PHF3: variants seen among roughly 807,000 people sequenced by gnomAD.
The protein encoded by PHF3 is PHD finger protein 3.
A neutral mutation model predicts 178.4 loss-of-function variants in PHF3; 41 were observed. The ratio of observed to expected loss-of-function variants is 0.23; its 90% CI spans 0.18 to 0.30. PHF3 has a LOEUF of 0.30. Among genes scored for constraint, PHF3 ranks in the 10% least tolerant of loss-of-function variants. PHF3 has a pLI of 1.00. For synonymous variants in PHF3, 842 were observed against 800.5 expected (o/e 1.05, Z -0.88); for missense variants, 2,346 against 2,398.1 (o/e 0.98, Z 0.45).
chr6:63,691,740 T>C lies in PHF3; in HGVS notation c.2193T>C (p.Phe731=). The C allele has an allele frequency of 1.3e-6, 2 of 1,590,098 alleles. No individual in the cohort carries two copies. The highest frequency in any genetic ancestry group is 8.6e-7 in the Non-Finnish European group (1 of 1,166,012). Residue 731 remains phenylalanine (F), a synonymous_variant, in exon 5 of 16, where the codon TTT becomes TTC. Transcript: ENST00000262043. ...GFCKKPHGNR[F]MVGCGRCDDW... ...TTTTTGGTGTTCTGTTTTCCAGGTTTATGGTTGGCTGTGGGAGATGTGATG... is the reference window on the plus strand; with the variant it reads ...TTTTTGGTGTTCTGTTTTCCAGGTTCATGGTTGGCTGTGGGAGATGTGATG...
At chr6:63,696,701 G>C (rs1254855555) in intron 6 of PHF3, among the ~76,000 whole-genome samples, 1 of 152,210 alleles carries the variant, frequency 6.6e-6, no homozygotes, top group Non-Finnish European at 1.5e-5. Flanking sequence ...GAGGAGAACT[G>C]AGACTGGTGG....
chr6:63,685,352 CCAGT>C lies in PHF3; in HGVS notation c.1633_1636del (p.Val545LysfsTer23). 1 of 1,613,898 alleles carries C rather than the reference CCAGT, an allele frequency of 6.2e-7. No homozygotes were observed. On this transcript the variant is annotated frameshift_variant, in exon 4 of 16. Coordinates refer to ENST00000262043, the MANE Select transcript of PHF3 (RefSeq NM_001370348.2). LOFTEE classifies it high-confidence loss of function. ...AGAATCTCAGCAAAATTTTCATAGG[CCAGT>C]CAAAGTCAGAAAAAAACAAATTGAT...
rs769293418 is a variant in PHF3, at chr6:63,698,204, C to T, written c.2681-19C>T. On this transcript the variant is annotated intron_variant, in intron 6 of 15. Transcript: ENST00000262043. ...TTTTTAAAAGCAATGTAATGAGTTT[C>T]GATATTTATTCAAATTAGGTACTCA... 1.5e-4 allele frequency: 230 copies of T among 1,578,046 alleles called. No homozygotes were observed. Among genetic ancestry groups the T allele is most frequent in the Non-Finnish European group, 1.8e-4 (211 of 1,155,836 alleles).
chr6:63,688,388 A>C lies in PHF3; in HGVS notation c.2189+2477A>C, dbSNP rs1766843990. On this transcript the variant is annotated intron_variant, in intron 4 of 15. Transcript: ENST00000262043. Reference sequence around the variant, plus strand: ...GTCTCACTGTTGCCCAGGGGTGGAGAGCAGTGGTGTGATCTTGGCTGACTG... The same window carrying C: ...GTCTCACTGTTGCCCAGGGGTGGAGCGCAGTGGTGTGATCTTGGCTGACTG... Among the ~76,000 whole-genome samples, 3 of 119,952 alleles carry C rather than the reference A, an allele frequency of 2.5e-5. No homozygotes were observed. The South Asian group carries it at 9.1e-4, about 36-fold the overall frequency. The allele number at this position is 119,952 out of a possible 152,430, so 78.7% of individuals were successfully genotyped here. A position where few individuals can be genotyped will look rare whatever the true frequency, so the allele number is the denominator to read the frequency against.
At position 63,664,314 on chromosome 6, in the gene PHF3, C is replaced by T. The variant is rs111361947; in HGVS notation, c.245-15686C>T. 7.0e-3 allele frequency among the ~76,000 whole-genome samples: 1,065 copies of T among 152,226 alleles called. 15 individuals are homozygous for T. The highest frequency in any genetic ancestry group is 0.024 in the South Asian group (114 of 4,828). ...TGGAACTTGGGAATCAGATAAAGTC[C>T]AGTTCTCTGTTCATAGAGCATGATC... is the stretch of plus-strand genomic sequence containing the variant. On this transcript the variant is annotated intron_variant, in intron 2 of 15. Coordinates refer to ENST00000262043, the MANE Select transcript of PHF3 (RefSeq NM_001370348.2).
chr6:63,662,464 C>T (rs1219460801), intron 2 of PHF3, among the ~76,000 whole-genome samples: 1 of 152,146 alleles, frequency 6.6e-6, no homozygotes, highest in Non-Finnish European at 1.5e-5. Flanking sequence ...GACAGGATTG[C>T]AGAATCCCTT....
At position 63,709,143 on chromosome 6, in the gene PHF3, A is replaced by G; in HGVS notation, c.3712-8A>G. The G allele has an allele frequency of 7.0e-7, 1 of 1,422,876 alleles. No individual in the cohort carries two copies. The highest frequency in any genetic ancestry group is 1.3e-5 in the South Asian group (1 of 76,206). 88.1% of individuals were successfully genotyped at this position (1,422,876 alleles called of 1,614,324 possible). A position where few individuals can be genotyped will look rare whatever the true frequency, so the allele number is the denominator to read the frequency against. ...ATATTGATCTCTTTTTTTTTTTTTT[A>G]ACCATAGGACCTACCAGATAGTATT... On this transcript the variant is annotated splice_region_variant and splice_polypyrimidine_tract_variant and intron_variant, in intron 13 of 15. Transcript: ENST00000262043.
At chr6:63,674,019 T>C (rs1468883236) in intron 2 of PHF3, among the ~76,000 whole-genome samples, 1 of 152,140 alleles carries the variant, frequency 6.6e-6, no homozygotes, top group Non-Finnish European at 1.5e-5. Flanking sequence ...TGCTCTTTTA[T>C]AGAAGCTCTT....
intron 4 of PHF3, among the ~76,000 whole-genome samples, chr6:63,689,740 TC>T (rs1220442984): frequency 5.9e-5 from 9 of 152,174 alleles, no homozygotes; most frequent in Admixed American, 1.3e-4. Context: ...AAACCACTCT[TC>T]CCTGGTTGTG....
intron 1 of PHF3, among the ~76,000 whole-genome samples, chr6:63,641,979 C>T (rs1417898603): frequency 2.0e-5 from 3 of 151,946 alleles, no homozygotes; most frequent in Non-Finnish European, 4.4e-5. Context: ...CATCTTTTTG[C>T]GTTCTATTAA....
At chr6:63,673,456 C>T (rs371467515) in intron 2 of PHF3, among the ~76,000 whole-genome samples, 1 of 152,180 alleles carries the variant, frequency 6.6e-6, no homozygotes, top group East Asian at 1.9e-4. Context: ...ACCGTTTCTT[C>T]TCGTCCTTCT....
Position 63,724,282 on chromosome 6 carries a change from A to G in PHF3, c.*10574A>G, listed in dbSNP as rs1273011036. ...TTTCTACCTCATCATCTGCTATCCC[A>G]CCGTGCTTTATTATAGATAAGAGAA... is the stretch of plus-strand genomic sequence containing the variant. On this transcript the variant is annotated 3_prime_UTR_variant, in exon 16 of 16. Coordinates refer to ENST00000262043, the MANE Select transcript of PHF3 (RefSeq NM_001370348.2). 6.6e-6 allele frequency among the ~76,000 whole-genome samples: 1 copy of G among 152,144 alleles called. No individual in the cohort carries two copies. Among genetic ancestry groups the G allele is most frequent in the Non-Finnish European group, 1.5e-5 (1 of 68,026 alleles).
At chr6:63,680,185 C>A in intron 3 of PHF3, 24 bp downstream of exon 3, 1 of 1,568,026 alleles carries the variant, frequency 6.4e-7, no homozygotes, top group Non-Finnish European at 8.6e-7. Context: ...AGAGGTCTAG[C>A]TAGAAAATTA....
chr6:63,717,731 T>C lies in PHF3; in HGVS notation c.*4023T>C, dbSNP rs115650004. Among the ~76,000 whole-genome samples, 968 of 152,120 alleles carry C rather than the reference T, an allele frequency of 6.4e-3. 8 individuals are homozygous for C. Among genetic ancestry groups the C allele is most frequent in the African/African-American group, 0.022 (906 of 41,536 alleles). On this transcript the variant is annotated 3_prime_UTR_variant, in exon 16 of 16. Coordinates refer to ENST00000262043, the MANE Select transcript of PHF3 (RefSeq NM_001370348.2). ...CAAAATACTTTTTCTATGAAATAAT[T>C]CAGTGTGTGCATGTCCATGTGTGTA...
intron 2 of PHF3, among the ~76,000 whole-genome samples, chr6:63,653,847 T>A (rs1223557521): frequency 6.6e-6 from 1 of 152,206 alleles, no homozygotes; most frequent in African/African-American, 2.4e-5. Flanking sequence ...GAAGGGATGT[T>A]GAATTTTATC....
rs980172613 is a variant in PHF3 at position 63,722,277 on chromosome 6, C to T, written c.*8569C>T. ...ATTAAGGATTTCATTCGCCTGTTTT[C>T]TAGGAACACTCCGCCACCCCATTCC... On this transcript the variant is annotated 3_prime_UTR_variant, in exon 16 of 16. Transcript: ENST00000262043. Among the ~76,000 whole-genome samples, 1 of 152,054 alleles carries T rather than the reference C, an allele frequency of 6.6e-6. No individual in the cohort carries two copies. The highest frequency in any genetic ancestry group is 6.6e-5 in the Admixed American group (1 of 15,264).
At chr6:63,682,423 T>G (rs1429187867) in intron 3 of PHF3, among the ~76,000 whole-genome samples, 6 of 152,142 alleles carry the variant, frequency 3.9e-5, no homozygotes, top group Non-Finnish European at 7.4e-5. Context: ...AATCATCTCT[T>G]GTTTGGTTTC....
intron 6 of PHF3, 31 bp downstream of exon 6, chr6:63,694,795 T>G (rs767211986): frequency 4.2e-6 from 5 of 1,190,582 alleles, no homozygotes; most frequent in Non-Finnish European, 5.5e-6. Context: ...AATTATATAC[T>G]AATATATTTA....
At chr6:63,670,970 G>A (rs535596508) in intron 2 of PHF3, among the ~76,000 whole-genome samples, 2 of 152,186 alleles carry the variant, frequency 1.3e-5, no homozygotes, top group African/African-American at 4.8e-5. Context: ...GGTCCTGTTT[G>A]TGTCTGTTTT....
Sources: allele counts gnomAD v4.1 joint callset (sites outside exome capture counted in the v4.1 genomes callset), GRCh38; gene constraint gnomAD v4.1.1; transcripts MANE v1.5; gene names NCBI Gene and HGNC (gene_info 2026-07-23, HGNC 2026-07-21).